The following NTRK2 variants were observed in gnomAD, a reference collection of about 807,000 sequenced individuals.
NTRK2 encodes the protein neurotrophic receptor tyrosine kinase 2, also known as BDNF/NT-3 growth factors receptor.
In NTRK2, 13 loss-of-function variants were observed where a neutral mutation model predicts 94.5. The observed-to-expected ratio is 0.14, with a 90% CI of 0.09 to 0.22. NTRK2 has a LOEUF of 0.22. Ranked by LOEUF, NTRK2 falls within the 10% of genes least tolerant of loss-of-function variation. The pLI, the probability that NTRK2 is intolerant of heterozygous loss-of-function variation, is 1.00. For missense variants in NTRK2, 639 were observed against 1,071.2 expected, an observed-to-expected ratio of 0.60 and a Z score of 5.63; for synonymous variants, 372 against 407.4, an observed-to-expected ratio of 0.91 and a Z score of 1.05.
intron 12 of NTRK2, among the ~76,000 whole-genome samples, chr9:84,752,338 A>G (rs1588369408): frequency 6.6e-6 from 1 of 152,226 alleles, no homozygotes; most frequent in African/African-American, 2.4e-5. Flanking sequence ...CAAGGGACTA[A>G]TAAAGATATG....
chr9:84,880,967 G>A (rs1288840941), intron 14 of NTRK2, among the ~76,000 whole-genome samples: 1 of 152,214 alleles, frequency 6.6e-6, no homozygotes, highest in African/African-American at 2.4e-5. Context: ...TTACTAGAGT[G>A]TTCCAAGCCC....
intron 14 of NTRK2, among the ~76,000 whole-genome samples, chr9:84,933,159 T>G (rs1473359923): frequency 6.6e-6 from 1 of 152,198 alleles, no homozygotes; most frequent in Non-Finnish European, 1.5e-5. Context: ...TTTAATGCAC[T>G]ACCATTCAGC....
chr9:84,780,837 C>T (rs938766275), intron 12 of NTRK2, among the ~76,000 whole-genome samples: 4 of 152,086 alleles, frequency 2.6e-5, no homozygotes, highest in Non-Finnish European at 5.9e-5. Flanking sequence ...TTTTTCCTCT[C>T]TAAAAGAAAG....
chr9:84,824,991 G>GTT (rs111282369), intron 12 of NTRK2, among the ~76,000 whole-genome samples: 6 of 142,734 alleles, frequency 4.2e-5, no homozygotes, highest in Admixed American at 1.4e-4. Flanking sequence ...AAAAAGATCA[G>GTT]TTTTTTTTTT....
chr9:84,989,179 C>T (rs182355222), intron 17 of NTRK2, among the ~76,000 whole-genome samples: 2 of 152,312 alleles, frequency 1.3e-5, no homozygotes, highest in East Asian at 3.9e-4. Flanking sequence ...GCACAGCTCA[C>T]ACCACCCCAC....
intron 12 of NTRK2, among the ~76,000 whole-genome samples, chr9:84,848,467 A>G (rs926092585): frequency 2.6e-5 from 4 of 152,158 alleles, no homozygotes; most frequent in African/African-American, 9.7e-5. Context: ...TGTTGTTTCT[A>G]TTTACCAACT....
chr9:84,690,338 C>A (rs572948844), intron 2 of NTRK2, among the ~76,000 whole-genome samples: 11 of 152,296 alleles, frequency 7.2e-5, no homozygotes, highest in African/African-American at 2.4e-4. Context: ...CAAAAATTTT[C>A]TTCTTGTGAA....
intron 12 of NTRK2, among the ~76,000 whole-genome samples, chr9:84,785,439 A>C (rs569186142): frequency 2.6e-5 from 4 of 152,330 alleles, no homozygotes; most frequent in East Asian, 3.9e-4. Flanking sequence ...CTATATGTAC[A>C]TGTGGAGAAA....
intron 14 of NTRK2, among the ~76,000 whole-genome samples, chr9:84,907,204 C>G (rs1222218457): frequency 2.0e-5 from 3 of 152,094 alleles, no homozygotes; most frequent in Non-Finnish European, 2.9e-5. Context: ...TTTGTCCATA[C>G]CTGGCAGGAC....
chr9:84,766,454 A>G (rs2066034991), intron 12 of NTRK2, among the ~76,000 whole-genome samples: 1 of 152,106 alleles, frequency 6.6e-6, no homozygotes, highest in East Asian at 1.9e-4. Context: ...TACGACAGAA[A>G]TTGTGAAAGT....
chr9:84,781,138 G>C (rs1049375096), intron 12 of NTRK2, among the ~76,000 whole-genome samples: 1 of 152,112 alleles, frequency 6.6e-6, no homozygotes, highest in Non-Finnish European at 1.5e-5. Context: ...AGCCTTGTTT[G>C]TATGTTCCGG....
intron 16 of NTRK2, among the ~76,000 whole-genome samples, chr9:84,952,091 A>G (rs999741470): frequency 4.6e-5 from 7 of 152,216 alleles, no homozygotes; most frequent in Admixed American, 6.5e-5. Flanking sequence ...CACAGCTAAC[A>G]TTTATTGAAC....
intron 12 of NTRK2, among the ~76,000 whole-genome samples, chr9:84,761,133 T>C (rs2065526977): frequency 6.6e-6 from 1 of 152,196 alleles, no homozygotes; most frequent in Admixed American, 6.5e-5. Context: ...GGAACTTTAG[T>C]GGCCTGAGGA....
intron 12 of NTRK2, among the ~76,000 whole-genome samples, chr9:84,777,136 C>G (rs982492318): frequency 8.5e-5 from 13 of 152,068 alleles, no homozygotes; most frequent in Non-Finnish European, 1.8e-4. Flanking sequence ...TCAGTTAAGC[C>G]CCTTACAGGA....
At chr9:84,711,440 A>T (rs2061413189) in intron 6 of NTRK2, among the ~76,000 whole-genome samples, 1 of 152,254 alleles carries the variant, frequency 6.6e-6, no homozygotes. Flanking sequence ...CTAGTGAGTT[A>T]TAAGGAAGGA....
chr9:84,798,901 A>C (rs2069987518), intron 12 of NTRK2, among the ~76,000 whole-genome samples: 1 of 113,534 alleles, frequency 8.8e-6, no homozygotes, highest in Non-Finnish European at 1.8e-5. Context: ...TATGCCAGAC[A>C]CTTCTAAGTG....
At chr9:84,761,867 G>T (rs894990439) in intron 12 of NTRK2, among the ~76,000 whole-genome samples, 1 of 152,122 alleles carries the variant, frequency 6.6e-6, no homozygotes, top group Non-Finnish European at 1.5e-5. Context: ...AGAGTGATAT[G>T]GTTTGGCTAT....
At chr9:84,800,389 T>TG (rs1462161243) in intron 12 of NTRK2, among the ~76,000 whole-genome samples, 7 of 152,062 alleles carry the variant, frequency 4.6e-5, no homozygotes, top group Non-Finnish European at 1.0e-4. Flanking sequence ...TTTGTAGAGA[T>TG]GGGGTTTTAC....
intron 17 of NTRK2, among the ~76,000 whole-genome samples, chr9:84,985,100 T>G (rs1828137101): frequency 6.6e-6 from 1 of 152,242 alleles, no homozygotes; most frequent in Non-Finnish European, 1.5e-5. Flanking sequence ...GCAAGGGTGT[T>G]TGCAGAAACA....
Sources: gnomAD v4.1 joint callset for allele counts (sites outside exome capture counted in the v4.1 genomes callset) on GRCh38, gnomAD v4.1.1 for gene constraint, MANE v1.5 for transcripts, NCBI Gene and HGNC (gene_info 2026-07-23, HGNC 2026-07-21) for gene names.